The following LSAMP variants were observed in gnomAD, a reference collection of about 807,000 sequenced individuals.
LSAMP encodes limbic system-associated membrane protein.
Under a neutral mutation model 38.6 loss-of-function variants are expected in LSAMP, and 7 were observed. That is an observed-to-expected ratio of 0.18 (90% CI 0.10 to 0.34). The LOEUF is 0.34. LSAMP is among the 10% of genes least tolerant of loss of function. The pLI, the probability that LSAMP is intolerant of heterozygous loss-of-function variation, is 1.00. For missense variants in LSAMP, 313 were observed against 420.0 expected, an observed-to-expected ratio of 0.75 and a Z score of 2.23; for synonymous variants, 154 against 166.8, an observed-to-expected ratio of 0.92 and a Z score of 0.59.
At position 116,318,907 on chromosome 3, in the gene LSAMP, T is replaced by A. The variant is rs146456806; in HGVS notation, c.155+125970A>T. ...CCTCTATTCTATCAGGCTGACACTC[T>A]TTCCACAAGAAGCAGGAGTAGAGAA... On this transcript the variant is annotated intron_variant, in intron 1 of 6. Transcript: ENST00000490035. Among the ~76,000 whole-genome samples, 364 of 152,286 alleles carry A rather than the reference T, an allele frequency of 2.4e-3. 2 individuals carry two copies. The highest frequency in any genetic ancestry group is 3.7e-3 in the Admixed American group (56 of 15,304).
intron 6 of LSAMP, among the ~76,000 whole-genome samples, chr3:115,810,701 A>G (rs1933797181): frequency 6.6e-6 from 1 of 152,206 alleles, no homozygotes. Context: ...CTGATGGTAC[A>G]GCAGGCTCCT....
At chr3:115,844,172 A>G (rs1935084926) in intron 4 of LSAMP, among the ~76,000 whole-genome samples, 1 of 152,360 alleles carries the variant, frequency 6.6e-6, no homozygotes, top group East Asian at 1.9e-4. Flanking sequence ...AATTCTAGTT[A>G]AAACTGCTCA....
intron 1 of LSAMP, among the ~76,000 whole-genome samples, chr3:116,188,845 A>G (rs1710686718): frequency 6.6e-6 from 1 of 152,218 alleles, no homozygotes; most frequent in South Asian, 2.1e-4. Flanking sequence ...CTACGATAGA[A>G]AGATGAATGA....
At chr3:115,859,142 T>C (rs13080723) in intron 3 of LSAMP, among the ~76,000 whole-genome samples, 13,157 of 152,224 alleles carry the variant, frequency 0.086, 976 homozygotes, top group Admixed American at 0.24. Flanking sequence ...ACATTCCACC[T>C]GAGAGACCCC....
At chr3:115,939,801 C>T (rs138764098) in intron 3 of LSAMP, among the ~76,000 whole-genome samples, 1 of 152,242 alleles carries the variant, frequency 6.6e-6, no homozygotes, top group Non-Finnish European at 1.5e-5. Flanking sequence ...CTCAAACGAT[C>T]ATCCTGCTCC....
chr3:115,898,973 C>T (rs754530134), intron 3 of LSAMP, among the ~76,000 whole-genome samples: 20 of 152,102 alleles, frequency 1.3e-4, no homozygotes, highest in African/African-American at 4.3e-4. Flanking sequence ...CATGCATCAA[C>T]GTGTACAGCC....
chr3:115,829,455 G>C (rs1055229273), intron 6 of LSAMP, among the ~76,000 whole-genome samples: 1 of 152,208 alleles, frequency 6.6e-6, no homozygotes, highest in African/African-American at 2.4e-5. Flanking sequence ...GTTGTAAATT[G>C]GTGCTGACAT....
intron 6 of LSAMP, among the ~76,000 whole-genome samples, chr3:115,826,340 C>G (rs1934409014): frequency 6.6e-6 from 1 of 151,966 alleles, no homozygotes; most frequent in Non-Finnish European, 1.5e-5. Flanking sequence ...TGGTCTCAAC[C>G]TCCTGAACTT....
intron 1 of LSAMP, among the ~76,000 whole-genome samples, chr3:116,111,067 A>T (rs953363470): frequency 6.6e-6 from 1 of 152,164 alleles, no homozygotes; most frequent in African/African-American, 2.4e-5. Flanking sequence ...CACTCAGTTA[A>T]GGTGGGGCAG....
chr3:116,065,508 C>T (rs1462651890), intron 2 of LSAMP, among the ~76,000 whole-genome samples: 1 of 152,184 alleles, frequency 6.6e-6, no homozygotes, highest in Non-Finnish European at 1.5e-5. Context: ...ACAGACTAGT[C>T]ATGTGGATCA....
At chr3:116,087,830 G>T (rs1419083455) in intron 1 of LSAMP, among the ~76,000 whole-genome samples, 1 of 151,790 alleles carries the variant, frequency 6.6e-6, no homozygotes, top group Non-Finnish European at 1.5e-5. Flanking sequence ...TCCATTTATG[G>T]TATAATACAA....
intron 1 of LSAMP, among the ~76,000 whole-genome samples, chr3:116,329,816 A>G (rs1200111426): frequency 1.3e-5 from 2 of 152,126 alleles, no homozygotes; most frequent in Admixed American, 1.3e-4. Flanking sequence ...TCTGAGAGAG[A>G]AAAACCAAGT....
At chr3:116,043,908 T>C (rs1258418564) in intron 2 of LSAMP, among the ~76,000 whole-genome samples, 2 of 152,336 alleles carry the variant, frequency 1.3e-5, no homozygotes, top group East Asian at 1.9e-4. Context: ...ATCGCGCCGC[T>C]GCACTCCCGC....
chr3:116,103,009 CA>C (rs139597247), intron 1 of LSAMP, among the ~76,000 whole-genome samples: 2 of 151,890 alleles, frequency 1.3e-5, no homozygotes, highest in South Asian at 2.1e-4. Flanking sequence ...CCCACCCCCC[CA>C]AAAAAAACTT....
At chr3:116,165,531 C>G (rs1387089731) in intron 1 of LSAMP, among the ~76,000 whole-genome samples, 1 of 152,110 alleles carries the variant, frequency 6.6e-6, no homozygotes, top group African/African-American at 2.4e-5. Context: ...TATAGATAGG[C>G]AGATGTCTGA....
intron 2 of LSAMP, among the ~76,000 whole-genome samples, chr3:116,058,435 C>T (rs1941530656): frequency 1.4e-5 from 2 of 146,986 alleles, no homozygotes; most frequent in Admixed American, 1.4e-4. Context: ...TGTCAGTTTC[C>T]AAGGGTTTCT....
In LSAMP at chr3:115,932,887, G is replaced by T. The variant is rs1937603625; in HGVS notation, c.515-80270C>A. Among the ~76,000 whole-genome samples the T allele has an allele frequency of 1.3e-5, 2 of 152,192 alleles. 1 individual carries two copies. The highest frequency in any genetic ancestry group is 4.1e-4 in the South Asian group (2 of 4,828). ...AAGGAATATAGAATCCAAATGAAGA[G>T]AATGCACTGTCAGAAACATCTCTTC... On this transcript the variant is annotated intron_variant, in intron 3 of 6. Coordinates refer to ENST00000490035, the MANE Select transcript of LSAMP (RefSeq NM_002338.5).
intron 1 of LSAMP, among the ~76,000 whole-genome samples, chr3:116,246,578 G>T (rs923114691): frequency 2.6e-5 from 4 of 152,124 alleles, no homozygotes; most frequent in Non-Finnish European, 4.4e-5. Flanking sequence ...TATGCCAAGC[G>T]TGCAGTGCCA....
chr3:116,115,557 C>A (rs576254589), intron 1 of LSAMP, among the ~76,000 whole-genome samples: 1 of 152,072 alleles, frequency 6.6e-6, no homozygotes, highest in East Asian at 1.9e-4. Flanking sequence ...TTTTCTTTTT[C>A]TGTTTATTTA....
Sources: gnomAD v4.1 joint callset for allele counts (sites outside exome capture counted in the v4.1 genomes callset) on GRCh38, gnomAD v4.1.1 for gene constraint, MANE v1.5 for transcripts, NCBI Gene and HGNC (gene_info 2026-07-23, HGNC 2026-07-21) for gene names.